The following LARGE1 variants were observed in gnomAD, a reference collection of about 807,000 sequenced individuals.
The protein encoded by LARGE1 is LARGE xylosyl- and glucuronyltransferase 1.
In LARGE1, 43 loss-of-function variants were observed where a neutral mutation model predicts 87.6. The observed-to-expected ratio is 0.49, with a 90% CI of 0.38 to 0.63. The LOEUF (loss-of-function observed/expected upper bound fraction) is 0.63. LARGE1 is among the 30% of genes least tolerant of loss of function. LARGE1 has a pLI of 0.00. For missense variants in LARGE1, 802 were observed against 1,000.2 expected, an observed-to-expected ratio of 0.80 and a Z score of 2.67; for synonymous variants, 434 against 394.6, an observed-to-expected ratio of 1.10 and a Z score of -1.18.
chr22:33,563,337 G>A (rs1278144407), intron 6 of LARGE1: 2 of 152,240 alleles, frequency 1.3e-5, no homozygotes, highest in Non-Finnish European at 2.9e-5. Flanking sequence ...CCCTCTAGGA[G>A]AGGTGACAAC....
intron 6 of LARGE1, among the ~76,000 whole-genome samples, chr22:33,510,842 C>T (rs749102594): frequency 6.6e-6 from 1 of 152,182 alleles, no homozygotes; most frequent in East Asian, 1.9e-4. Context: ...CCACCTTGGC[C>T]GCCCAAAGTG....
At chr22:33,416,244 C>A (rs191997112) in intron 7 of LARGE1, among the ~76,000 whole-genome samples, 2 of 152,312 alleles carry the variant, frequency 1.3e-5, no homozygotes, top group Admixed American at 1.3e-4. Flanking sequence ...ACAAGCTGCA[C>A]CTTCAGTGAA....
chr22:33,741,008 C>T (rs796413795), intron 2 of LARGE1, among the ~76,000 whole-genome samples: 6 of 152,230 alleles, frequency 3.9e-5, no homozygotes, highest in African/African-American at 1.4e-4. Context: ...TGTTTACCTT[C>T]GATTGTCACA....
intron 11 of LARGE1, among the ~76,000 whole-genome samples, chr22:33,232,461 G>A (rs1025520998): frequency 1.3e-5 from 2 of 152,232 alleles, no homozygotes; most frequent in African/African-American, 4.8e-5. Context: ...GTTCTGTCAT[G>A]CTCATCCGCC....
At chr22:33,739,332 C>A (rs77720435) in intron 2 of LARGE1, among the ~76,000 whole-genome samples, 8,277 of 152,176 alleles carry the variant, frequency 0.054, 264 homozygotes, top group Non-Finnish European at 0.081. Context: ...CCTGTTCCTG[C>A]CCCTGGGCAT....
chr22:33,810,786 C>A (rs62227775), intron 1 of LARGE1, among the ~76,000 whole-genome samples: 64 of 151,048 alleles, frequency 4.2e-4, no homozygotes, highest in African/African-American at 1.4e-3. Context: ...TGCAATGGTG[C>A]GATCTTGGAT....
chr22:33,499,919 G>A (rs1002446105), intron 6 of LARGE1, among the ~76,000 whole-genome samples: 14 of 152,070 alleles, frequency 9.2e-5, no homozygotes, highest in South Asian at 6.2e-4. Context: ...GATTACAGGC[G>A]CGGGACACCA....
intron 1 of LARGE1, among the ~76,000 whole-genome samples, chr22:33,764,704 G>GC: frequency 6.6e-6 from 1 of 152,166 alleles, no homozygotes; most frequent in East Asian, 1.9e-4. Context: ...GTTACAGTGA[G>GC]CAAGATTGTG....
chr22:33,423,488 C>T (rs2066767587), intron 7 of LARGE1, among the ~76,000 whole-genome samples: 2 of 151,178 alleles, frequency 1.3e-5, no homozygotes, highest in African/African-American at 4.9e-5. Context: ...ACCAGCCTGG[C>T]CAACACAGTG....
At chr22:33,243,720 A>AT (rs1379781829) in intron 11 of LARGE1, among the ~76,000 whole-genome samples, 2 of 152,116 alleles carry the variant, frequency 1.3e-5, no homozygotes, top group Non-Finnish European at 1.5e-5. Context: ...ATGTGCTAAT[A>AT]TTTTTTTGTG....
intron 2 of LARGE1, among the ~76,000 whole-genome samples, chr22:33,728,551 CAAAAAAAAAAA>C (rs57790780): frequency 0.084 from 3,136 of 37,528 alleles, 147 homozygotes; most frequent in Middle Eastern, 0.17. Flanking sequence ...CCCCTACCAC[CAAAAAAAAAAA>C]AAAAAAAAAA....
chr22:33,451,812 C>G (rs2067942300), intron 6 of LARGE1, among the ~76,000 whole-genome samples: 2 of 152,184 alleles, frequency 1.3e-5, no homozygotes, highest in African/African-American at 4.8e-5. Flanking sequence ...CCGCCTCGGC[C>G]TCCCAAAGTG....
chr22:33,420,378 C>T lies in LARGE1; in HGVS notation c.892+11783G>A, dbSNP rs115189595. Reference sequence around the variant, plus strand: ...ACTACCTTTGAGGAACTTATATCCTCATGGAAAGACACAGGGAAATTAAAA... The same window carrying T: ...ACTACCTTTGAGGAACTTATATCCTTATGGAAAGACACAGGGAAATTAAAA... On this transcript the variant is annotated intron_variant, in intron 7 of 14. Transcript: ENST00000397394. Among the ~76,000 whole-genome samples, 165 of 152,184 alleles carry T rather than the reference C, an allele frequency of 1.1e-3. 1 individual carries two copies. Among genetic ancestry groups the T allele is most frequent in the African/African-American group, 3.9e-3 (160 of 41,502 alleles).
chr22:33,419,410 T>C (rs935058587), intron 7 of LARGE1, among the ~76,000 whole-genome samples: 2 of 151,608 alleles, frequency 1.3e-5, no homozygotes, highest in Admixed American at 6.6e-5. Flanking sequence ...ATGAGGGCCA[T>C]GATCATGAGA....
intron 13 of LARGE1, among the ~76,000 whole-genome samples, chr22:33,280,829 T>C (rs1465705473): frequency 6.6e-6 from 1 of 152,210 alleles, no homozygotes; most frequent in Non-Finnish European, 1.5e-5. Flanking sequence ...GTTCTCAAAC[T>C]TGAGTATGCA....
chr22:33,206,214 C>T (rs1049524737), intron 11 of LARGE1, among the ~76,000 whole-genome samples: 1 of 152,070 alleles, frequency 6.6e-6, no homozygotes, highest in Non-Finnish European at 1.5e-5. Flanking sequence ...CCTTGGCCTC[C>T]CAAAGTGCTG....
chr22:33,577,065 T>G (rs775299564), intron 5 of LARGE1, among the ~76,000 whole-genome samples: 31 of 152,158 alleles, frequency 2.0e-4, no homozygotes, highest in Non-Finnish European at 4.4e-4. Context: ...AGAAGAGAGA[T>G]AATCACTCTG....
intron 11 of LARGE1, among the ~76,000 whole-genome samples, chr22:33,208,282 A>T (rs1924783701): frequency 6.6e-6 from 1 of 152,194 alleles, no homozygotes; most frequent in African/African-American, 2.4e-5. Context: ...AGGCTGGAAG[A>T]TCTCTCTGTG....
At chr22:33,673,288 T>C (rs2149271286) in intron 2 of LARGE1, among the ~76,000 whole-genome samples, 1 of 152,088 alleles carries the variant, frequency 6.6e-6, no homozygotes, top group South Asian at 2.1e-4. Context: ...AAAAAAATTC[T>C]CTGTGTTGGT....
Sources: gnomAD v4.1 joint callset for allele counts (sites outside exome capture counted in the v4.1 genomes callset) on GRCh38, gnomAD v4.1.1 for gene constraint, MANE v1.5 for transcripts, NCBI Gene and HGNC (gene_info 2026-07-23, HGNC 2026-07-21) for gene names.